Variants in PTPN18 observed in about 807,000 individuals in gnomAD.
PTPN18 encodes the protein protein tyrosine phosphatase non-receptor type 18.
A neutral mutation model predicts 65.4 loss-of-function variants in PTPN18; 65 were observed. The ratio of observed to expected loss-of-function variants is 0.99; its 90% confidence interval spans 0.81 to 1.22. The LOEUF is 1.22. Among genes scored for constraint, PTPN18 ranks in the 50% most tolerant of loss-of-function variants. The pLI, the probability that PTPN18 is intolerant of heterozygous loss-of-function variation, is 0.00. For missense variants in PTPN18, 616 were observed against 646.5 expected (o/e 0.95, Z 0.51); for synonymous variants, 255 against 267.8 (o/e 0.95, Z 0.47).
At chr2:130,358,691 T>C (rs1156484035) in intron 1 of PTPN18, among the ~76,000 whole-genome samples, 176 bp from the exon 2 acceptor site, 1 of 152,176 alleles carries the variant, frequency 6.6e-6, no homozygotes, top group Non-Finnish European at 1.5e-5. Flanking sequence ...GAAGGTGCCC[T>C]GGGTCACTAT....
At position 130,370,172 on chromosome 2, in the gene PTPN18, C is replaced by A; in HGVS notation, c.671C>A (p.Pro224His). Residue 224 changes from proline (P) to histidine (H), a missense_variant, in exon 8 of 15, where the codon CCC (proline) becomes CAC (histidine). Pro to His is a moderately conservative substitution (Grantham distance 77). This residue lies in a region of PTPN18 where 368 missense variants were observed against 386.7 expected (regional missense o/e 0.95). Coordinates refer to ENST00000175756, the MANE Select transcript of PTPN18 (RefSeq NM_014369.4). Reference sequence around the variant, plus strand: ...CGCCTCCAGGGATCTGGCCCTGAACCCCTCTGTGTCCACTGCAGGTTTTGG... The same window carrying A: ...CGCCTCCAGGGATCTGGCCCTGAACACCTCTGTGTCCACTGCAGGTTTTGG... ...ARRLQGSGPEPLCVHCSAGCG... is the reference protein window; with the variant it reads ...ARRLQGSGPEHLCVHCSAGCG... 1 of 1,612,342 alleles carries A rather than the reference C, an allele frequency of 6.2e-7. No homozygotes were observed. Among genetic ancestry groups the A allele is most frequent in the South Asian group, 1.1e-5 (1 of 91,076 alleles).
Position 130,359,399 on chromosome 2 carries a change from C to G in PTPN18, c.282C>G (p.Gly94=). The change falls in exon 4 of 15, where the codon GGC becomes GGG. Residue 94 remains glycine, a splice_region_variant and synonymous_variant. Coordinates refer to ENST00000175756, the MANE Select transcript of PTPN18 (RefSeq NM_014369.4). ...SDYINGNFIR[G]VDGSLAYIAT... ...GTCGTGAATTCGGCCTTCACCAGGG[C>G]GTGGATGGAAGCCTGGCCTACATTG... 2 of 1,614,136 alleles carry G rather than the reference C, an allele frequency of 1.2e-6. No homozygotes were observed. Among genetic ancestry groups the G allele is most frequent in the East Asian group, 2.2e-5 (1 of 44,880 alleles).
chr2:130,367,361 T>G (rs572083262), intron 5 of PTPN18, among the ~76,000 whole-genome samples: 76 of 152,276 alleles, frequency 5.0e-4, no homozygotes, highest in African/African-American at 1.8e-3. Context: ...TGTCCTTTTG[T>G]GCATAATGCT....
At chr2:130,370,990 C>T (rs778538630) in intron 11 of PTPN18, 26 bp downstream of exon 11, 1 of 1,604,644 alleles carries the variant, frequency 6.2e-7, no homozygotes. Context: ...TCCCACTCTC[C>T]TGTCCACCAT....
In PTPN18 at chr2:130,372,364, CG is replaced by C. The variant is rs1680596379; in HGVS notation, c.1125del (p.Thr376ArgfsTer17). The part of the protein sequence containing the change: ...AGAGSGTQTG[T>X]GTGTGARSAE... ...GCCGGGAGTGGGACGCAGACGGGGA[CG>C]GGGACGGGGACGGGGGCGCGCAGCG... On this transcript the variant is annotated frameshift_variant, in exon 13 of 15. Transcript: ENST00000175756. LOFTEE classifies it high-confidence loss of function. 4 of 1,361,834 alleles carry C rather than the reference CG, an allele frequency of 2.9e-6. No homozygotes were observed. 84.4% of individuals were successfully genotyped at this position (1,361,834 alleles called of 1,614,324 possible).
intron 1 of PTPN18, among the ~76,000 whole-genome samples, chr2:130,357,527 C>T (rs1027629190): frequency 2.0e-5 from 3 of 151,926 alleles, no homozygotes; most frequent in African/African-American, 7.3e-5. Flanking sequence ...ATAAAATGAC[C>T]AAAGTTATTT....
At chr2:130,361,518 C>CTT (rs143328419) in intron 5 of PTPN18, among the ~76,000 whole-genome samples, 2 of 50,304 alleles carry the variant, frequency 4.0e-5, no homozygotes, top group African/African-American at 1.3e-4. Context: ...CTTTCTCTTT[C>CTT]TTTCTTTCTT....
chr2:130,356,688 C>T, intron 1 of PTPN18: 1 of 455,842 alleles, frequency 2.2e-6, no homozygotes, highest in Non-Finnish European at 4.6e-6. Context: ...CGCGTCCGGG[C>T]CCGAATCCGC....
chr2:130,357,591 T>C (rs1255093698), intron 1 of PTPN18, among the ~76,000 whole-genome samples: 1 of 152,174 alleles, frequency 6.6e-6, no homozygotes, highest in Non-Finnish European at 1.5e-5. Context: ...GCACGGTGGC[T>C]CACGCCTATA....
chr2:130,369,793 T>G lies in PTPN18; in HGVS notation c.512T>G (p.Ile171Ser), dbSNP rs1418124081. The G allele has an allele frequency of 1.9e-6, 3 of 1,605,278 alleles. No homozygotes were observed. The highest frequency in any genetic ancestry group is 2.6e-6 in the Non-Finnish European group (3 of 1,172,366). ...AAGGAGAAGTGGCTGAATGAGGACA[T>G]CATGCTCAGGACCCTCAAGGTCACA... ...LIKEKWLNED[I>S]MLRTLKVTFQ... The change falls in exon 7 of 15, where the codon ATC (isoleucine) becomes AGC (serine). Residue 171 changes from isoleucine to serine, a missense_variant. This residue lies in a region of PTPN18 where 25 missense variants were observed against 49.8 expected (regional missense o/e 0.50). Transcript: ENST00000175756.
rs1464238093 is a variant in PTPN18, at chr2:130,372,276, TC to T, written c.1037del (p.Pro346ArgfsTer47). On this transcript the variant is annotated frameshift_variant, in exon 13 of 15. Coordinates refer to ENST00000175756, the MANE Select transcript of PTPN18 (RefSeq NM_014369.4). LOFTEE classifies it high-confidence loss of function. ...CTGCAGGAGCATCTCTGTGCCCGGG[TC>T]CCCGGGCCACGCCATGGCTGACACC... The part of the protein sequence containing the change: ...GVLRSISVPG[S>X]PGHAMADTYA... 1.9e-6 allele frequency: 3 copies of T among 1,566,186 alleles called. No individual in the cohort carries two copies. The highest frequency in any genetic ancestry group is 1.8e-5 in the Admixed American group (1 of 56,150).
chr2:130,373,095 G>A lies in PTPN18; in HGVS notation c.1316-62G>A. On this transcript the variant is annotated intron_variant, in intron 14 of 14. Coordinates refer to ENST00000175756, the MANE Select transcript of PTPN18 (RefSeq NM_014369.4). This position sits in a 1 kb window ranked among gnomAD's most constrained non-coding sequence, Gnocchi z 4.1. ...GAGGCGGGGGGATGGCCTTCTTCAT[G>A]TCTGCCAGCTTCCACACACCTCAGC... is the stretch of plus-strand genomic sequence containing the variant. 1 of 1,551,162 alleles carries A rather than the reference G, an allele frequency of 6.4e-7. No individual in the cohort carries two copies. The highest frequency in any genetic ancestry group is 8.8e-7 in the Non-Finnish European group (1 of 1,140,672).
At chr2:130,357,866 A>AG (rs1412971421) in intron 1 of PTPN18, among the ~76,000 whole-genome samples, 1 of 151,972 alleles carries the variant, frequency 6.6e-6, no homozygotes, top group East Asian at 1.9e-4. Context: ...AAAAAAAAAA[A>AG]AAAAAAAAGT....
chr2:130,366,347 G>A (rs939298718), intron 5 of PTPN18, among the ~76,000 whole-genome samples: 20 of 152,180 alleles, frequency 1.3e-4, no homozygotes, highest in African/African-American at 3.6e-4. Flanking sequence ...TTTATGAAAC[G>A]CTGTTGAGTT....
At chr2:130,356,690 C>G in intron 1 of PTPN18, 3 of 454,990 alleles carry the variant, frequency 6.6e-6, no homozygotes, top group Non-Finnish European at 1.4e-5. Context: ...CGTCCGGGCC[C>G]GAATCCGCTT....
chr2:130,367,652 G>C (rs896712606), intron 5 of PTPN18, among the ~76,000 whole-genome samples: 1 of 152,060 alleles, frequency 6.6e-6, no homozygotes, highest in Non-Finnish European at 1.5e-5. Flanking sequence ...CCAAGCCTGG[G>C]TGACAGAGCA....
intron 5 of PTPN18, among the ~76,000 whole-genome samples, chr2:130,361,268 A>G (rs888991465): frequency 3.1e-4 from 47 of 152,298 alleles, no homozygotes; most frequent in African/African-American, 1.1e-3. Context: ...TATTTCTGAC[A>G]ATTTTTTTTG....
chr2:130,357,016 C>A (rs1205920958), intron 1 of PTPN18, among the ~76,000 whole-genome samples: 3 of 152,140 alleles, frequency 2.0e-5, no homozygotes, highest in African/African-American at 4.8e-5. Flanking sequence ...CACAGCGAAA[C>A]CCCGTCTCTA....
Position 130,367,298 on chromosome 2 carries a change from G to A in PTPN18, c.415-1835G>A, listed in dbSNP as rs150330019. ...TAGGATATCATAGCATTGACTTGCCGTTTCTGACAAAATGTTGCTATAATT... is the reference window on the plus strand; with the variant it reads ...TAGGATATCATAGCATTGACTTGCCATTTCTGACAAAATGTTGCTATAATT... On this transcript the variant is annotated intron_variant, in intron 5 of 14. Transcript: ENST00000175756. Among the ~76,000 whole-genome samples the A allele has an allele frequency of 1.8e-3, 274 of 152,086 alleles. 3 individuals carry two copies. The South Asian group carries it at 0.022, about 12-fold the overall frequency.
Sources: allele counts gnomAD v4.1 joint callset (sites outside exome capture counted in the v4.1 genomes callset), GRCh38; gene constraint gnomAD v4.1.1; regional missense constraint gnomAD v4.1.1; non-coding constraint Gnocchi (gnomAD v3.1); transcripts MANE v1.5; gene names NCBI Gene and HGNC (gene_info 2026-07-23, HGNC 2026-07-21).